Variants in CCR3 observed in about 807,000 individuals in gnomAD.
CCR3 encodes C-C motif chemokine receptor 3, also known as C-C chemokine receptor type 3.
For missense variants in CCR3, 419 were observed against 437.5 expected, an observed-to-expected ratio of 0.96 and a Z score of 0.38; for synonymous variants, 203 against 179.2, an observed-to-expected ratio of 1.13 and a Z score of -1.06.
At chr3:46,265,114 A>G (rs1700592725) in intron 1 of CCR3, 34 bp from the exon 2 acceptor site, 1 of 1,373,006 alleles carries the variant, frequency 7.3e-7, no homozygotes, top group African/African-American at 1.4e-5. Context: ...ATTATGCTTC[A>G]TTGTGGGATT....
At chr3:46,246,806 G>T (rs549572311) in intron 1 of CCR3, among the ~76,000 whole-genome samples, 2 of 152,100 alleles carry the variant, frequency 1.3e-5, no homozygotes, top group African/African-American at 4.8e-5. Context: ...TTGGAGGGTG[G>T]TATGGAGAGA....
chr3:46,213,855 C>T (rs945664153), intron 2 of CCR3, among the ~76,000 whole-genome samples: 2 of 152,192 alleles, frequency 1.3e-5, no homozygotes, highest in African/African-American at 4.8e-5. Context: ...CTTCAGCCTC[C>T]TCATGCCCTC....
rs41358045 is a variant in CCR3, at chr3:46,264,457, T to G, written c.-11-691T>G. On this transcript the variant is annotated intron_variant, in intron 1 of 1. Transcript: ENST00000395940. ...GAGCACACAAGCCAGGTTCCTCAAG[T>G]CCGTAGCAAATTTTTCAAAAGTTAA... The G allele has an allele frequency of 5.9e-4, 902 of 1,518,770 alleles. 8 individuals carry two copies. In the African/African-American group the frequency reaches 0.011, roughly 19 times the overall value. 94.1% of individuals were successfully genotyped at this position (1,518,770 alleles called of 1,614,324 possible). A position where few individuals can be genotyped will look rare whatever the true frequency, so the allele number is the denominator to read the frequency against.
chr3:46,242,952 CATATATATGTGTAT>C (rs1484355374), intron 1 of CCR3, among the ~76,000 whole-genome samples: 3 of 77,024 alleles, frequency 3.9e-5, no homozygotes, highest in Non-Finnish European at 7.0e-5. Context: ...TATAATTTTA[CATATATATGTGTAT>C]ATATATATAT....
chr3:46,233,195 T>C (rs191428537), intron 2 of CCR3, among the ~76,000 whole-genome samples: 45 of 152,226 alleles, frequency 3.0e-4, no homozygotes, highest in African/African-American at 1.0e-3. Context: ...AACACAGAAA[T>C]ACACAGGATT....
At chr3:46,228,433 C>T (rs981815393) in intron 2 of CCR3, among the ~76,000 whole-genome samples, 1 of 152,142 alleles carries the variant, frequency 6.6e-6, no homozygotes, top group Non-Finnish European at 1.5e-5. Flanking sequence ...CTGAATTTGA[C>T]CCCACCCTTG....
intron 1 of CCR3, among the ~76,000 whole-genome samples, chr3:46,256,257 A>G (rs941493232): frequency 1.3e-5 from 2 of 152,080 alleles, no homozygotes; most frequent in Non-Finnish European, 2.9e-5. Context: ...TTTGTGTTTC[A>G]TTTATTATTA....
At chr3:46,253,421 AT>A (rs1398853676) in intron 1 of CCR3, among the ~76,000 whole-genome samples, 1 of 151,868 alleles carries the variant, frequency 6.6e-6, no homozygotes, top group African/African-American at 2.4e-5. Flanking sequence ...CCCAAAGTGG[AT>A]TTTCTCCAGG....
intron 2 of CCR3, among the ~76,000 whole-genome samples, chr3:46,214,919 A>T (rs1218493285): frequency 1.3e-5 from 2 of 152,084 alleles, no homozygotes; most frequent in East Asian, 3.9e-4. Context: ...CCCCAAACAC[A>T]CAAGTTTCTG....
At chr3:46,244,118 GTA>G (rs904625635) in intron 1 of CCR3, among the ~76,000 whole-genome samples, 2 of 152,120 alleles carry the variant, frequency 1.3e-5, no homozygotes, top group Non-Finnish European at 2.9e-5. Context: ...TGTGATTTGT[GTA>G]ATATACCTTA....
intron 2 of CCR3, among the ~76,000 whole-genome samples, chr3:46,215,613 A>C (rs2125922590): frequency 6.6e-6 from 1 of 152,314 alleles, no homozygotes; most frequent in Admixed American, 6.5e-5. Context: ...AGTGTGAGAC[A>C]CCCTGGTCTA....
chr3:46,243,527 G>C (rs549479885), intron 1 of CCR3, among the ~76,000 whole-genome samples: 24 of 152,190 alleles, frequency 1.6e-4, no homozygotes, highest in Admixed American at 7.9e-4. Flanking sequence ...CTGTGTTAGA[G>C]GGTAGAGCTA....
chr3:46,238,949 G>C (rs953926742), upstream of CCR3, among the ~76,000 whole-genome samples: 6 of 152,198 alleles, frequency 3.9e-5, no homozygotes, highest in Admixed American at 3.9e-4. Flanking sequence ...GGATAAGGGA[G>C]TCATTGATTG....
intron 2 of CCR3, among the ~76,000 whole-genome samples, chr3:46,217,129 G>A (rs553224500): frequency 1.3e-5 from 2 of 152,268 alleles, no homozygotes; most frequent in East Asian, 3.9e-4. Flanking sequence ...GACATTCCAT[G>A]CAAATGGAAA....
chr3:46,255,769 T>A (rs12715416), intron 1 of CCR3, among the ~76,000 whole-genome samples: 65,038 of 151,612 alleles, frequency 0.43, 14,929 homozygotes, highest in East Asian at 0.64. Flanking sequence ...CTGTTCTTAT[T>A]CCAGTACCAT....
intron 2 of CCR3, among the ~76,000 whole-genome samples, chr3:46,218,512 A>T (rs763877572): frequency 8.5e-5 from 13 of 152,084 alleles, no homozygotes; most frequent in Non-Finnish European, 2.9e-5. Context: ...AAAACCAGGA[A>T]ATGACGTAAT....
In CCR3 at chr3:46,265,622, T is replaced by C. The variant is rs535280827; in HGVS notation, c.464T>C (p.Ile155Thr). ...GTCACTTTTGGTGTCATCACCAGCATCGTCACCTGGGGCCTGGCAGTGCTA... is the reference window on the plus strand; with the variant it reads ...GTCACTTTTGGTGTCATCACCAGCACCGTCACCTGGGGCCTGGCAGTGCTA... Reference protein sequence around the residue: ...RTVTFGVITSIVTWGLAVLAA... With the variant: ...RTVTFGVITSTVTWGLAVLAA... The change falls in exon 2 of 2, where the codon ATC (isoleucine) becomes ACC (threonine). Residue 155 changes from isoleucine to threonine, a missense_variant. Physicochemically the swap from Ile to Thr is moderately conservative, Grantham distance 89. Coordinates refer to ENST00000395940, the MANE Select transcript of CCR3 (RefSeq NM_178329.3). 1.2e-6 allele frequency: 2 copies of C among 1,614,188 alleles called. No homozygotes were observed. The highest frequency in any genetic ancestry group is 4.5e-5 in the East Asian group (2 of 44,882).
At chr3:46,218,226 G>A (rs1214224381) in intron 2 of CCR3, among the ~76,000 whole-genome samples, 1 of 151,784 alleles carries the variant, frequency 6.6e-6, no homozygotes, top group Non-Finnish European at 1.5e-5. Flanking sequence ...AGAGGAGATG[G>A]ATAAATTCCT....
chr3:46,225,765 T>A (rs1288753003), intron 2 of CCR3, among the ~76,000 whole-genome samples: 1 of 152,244 alleles, frequency 6.6e-6, no homozygotes, highest in Non-Finnish European at 1.5e-5. Flanking sequence ...GAATTTTTGC[T>A]TTTTTGCTTT....
Sources: allele counts gnomAD v4.1 joint callset (sites outside exome capture counted in the v4.1 genomes callset), GRCh38; gene constraint gnomAD v4.1.1; transcripts MANE v1.5; gene names NCBI Gene and HGNC (gene_info 2026-07-23, HGNC 2026-07-21).